ANKS1B: variants seen among roughly 807,000 people sequenced by gnomAD.
ANKS1B encodes the protein ankyrin repeat and sterile alpha motif domain containing 1B, also known as ankyrin repeat and sterile alpha motif domain-containing protein 1B.
Under a neutral mutation model 148.3 loss-of-function variants are expected in ANKS1B, and 36 were observed. That is an observed-to-expected ratio of 0.24 (90% confidence interval 0.19 to 0.32). The LOEUF (loss-of-function observed/expected upper bound fraction) is 0.32. Ranked by LOEUF, ANKS1B falls within the 10% of genes least tolerant of loss-of-function variation. The probability of loss-of-function intolerance (pLI) is 1.00; values close to 1 mark genes in which losing one functional copy is unlikely to be tolerated. For synonymous variants in ANKS1B, 542 were observed against 560.8 expected (o/e 0.97, Z 0.47); for missense variants, 1,157 against 1,542.6 (o/e 0.75, Z 4.19).
intron 25 of ANKS1B, among the ~76,000 whole-genome samples, chr12:98,761,718 C>T (rs2098409486): frequency 6.6e-6 from 1 of 152,134 alleles, no homozygotes; most frequent in Non-Finnish European, 1.5e-5. Context: ...GATATTTATT[C>T]CAGGACTTAC....
intron 1 of ANKS1B, among the ~76,000 whole-genome samples, chr12:99,932,132 T>C (rs2094633634): frequency 6.6e-6 from 1 of 152,180 alleles, no homozygotes; most frequent in South Asian, 2.1e-4. Flanking sequence ...AATACTACAT[T>C]GTGTATACGT....
At chr12:99,199,661 C>T (rs148162740) in intron 14 of ANKS1B, among the ~76,000 whole-genome samples, 94 of 152,234 alleles carry the variant, frequency 6.2e-4, no homozygotes, top group Middle Eastern at 3.4e-3. Flanking sequence ...CTGTAACTCT[C>T]CTCCTTATAA....
intron 12 of ANKS1B, among the ~76,000 whole-genome samples, chr12:99,272,206 T>C (rs1181755367): frequency 6.6e-6 from 1 of 152,170 alleles, no homozygotes; most frequent in Non-Finnish European, 1.5e-5. Flanking sequence ...ATAATGACCA[T>C]AAGTGATTGC....
chr12:99,730,986 G>A (rs2059086738), intron 8 of ANKS1B, among the ~76,000 whole-genome samples: 2 of 152,058 alleles, frequency 1.3e-5, no homozygotes, highest in Admixed American at 1.3e-4. Context: ...GCCTAGGCTG[G>A]AGTGCAATGT....
In ANKS1B at chr12:98,934,218, T is replaced by C. The variant is rs952815342; in HGVS notation, c.2779-102082A>G. ...CAGTTTCATTGCTTTGTATGTCACG[T>C]CCAGTCTTCTCAATATCATTAGTTG... is the stretch of plus-strand genomic sequence containing the variant. On this transcript the variant is annotated intron_variant, in intron 17 of 26. Coordinates refer to ENST00000683438, the MANE Select transcript of ANKS1B (RefSeq NM_001352186.2). Among the ~76,000 whole-genome samples, 7 of 152,150 alleles carry C rather than the reference T, an allele frequency of 4.6e-5. No homozygotes were observed. The East Asian group carries it at 9.6e-4, about 21-fold the overall frequency.
At chr12:99,179,719 T>C (rs1224758662) in intron 14 of ANKS1B, among the ~76,000 whole-genome samples, 2 of 152,116 alleles carry the variant, frequency 1.3e-5, no homozygotes, top group East Asian at 1.9e-4. Flanking sequence ...TCTATAAAAT[T>C]AGGAAAATCT....
exon 10 of ANKS1B, chr12:98,735,380 T>C (rs1230383369): frequency 9.3e-6 from 4 of 431,454 alleles, no homozygotes; most frequent in Admixed American, 7.9e-5. Context: ...TTTTAAAATA[T>C]GAATTTAAAA....
At chr12:99,353,200 A>T (rs1282747885) in intron 12 of ANKS1B, among the ~76,000 whole-genome samples, 2 of 152,062 alleles carry the variant, frequency 1.3e-5, no homozygotes, top group Non-Finnish European at 2.9e-5. Flanking sequence ...TACATGGGTG[A>T]AATGTGGCTT....
intron 19 of ANKS1B, among the ~76,000 whole-genome samples, chr12:98,828,762 A>G (rs1420834830): frequency 6.6e-6 from 1 of 152,262 alleles, no homozygotes; most frequent in East Asian, 1.9e-4. Context: ...ATGAATGTAT[A>G]GACTTGGGAG....
intron 17 of ANKS1B, among the ~76,000 whole-genome samples, chr12:98,886,360 A>C (rs986742430): frequency 4.6e-5 from 7 of 152,232 alleles, no homozygotes; most frequent in African/African-American, 1.7e-4. Flanking sequence ...CACAGAAGAA[A>C]GGACCCAGGT....
At chr12:99,521,860 A>C (rs918821547) in intron 9 of ANKS1B, among the ~76,000 whole-genome samples, 21 of 152,098 alleles carry the variant, frequency 1.4e-4, no homozygotes, top group African/African-American at 4.8e-4. Flanking sequence ...GTCTTGCCCC[A>C]CACACACTGT....
intron 9 of ANKS1B, among the ~76,000 whole-genome samples, chr12:99,560,840 C>CTTTTTTTTTTTTTTT (rs58588885): frequency 2.8e-5 from 2 of 71,922 alleles, no homozygotes; most frequent in Non-Finnish European, 5.4e-5. Flanking sequence ...TTTCTTTTTT[C>CTTTTTTTTTTTTTTT]TTTTTTTTTT....
chr12:99,754,517 T>C lies in ANKS1B; in HGVS notation c.1128+18405A>G, dbSNP rs149507508. Among the ~76,000 whole-genome samples the C allele has an allele frequency of 2.0e-5, 3 of 152,276 alleles. No homozygotes were observed. The East Asian group carries it at 5.8e-4, about 29-fold the overall frequency. On this transcript the variant is annotated intron_variant, in intron 8 of 26. Transcript: ENST00000683438. ...ATGGATCACATGAACCCAGCAGATA[T>C]TTACAGAACTCTCCCCCAGAATATA...
chr12:99,658,482 T>C (rs2098460657), intron 8 of ANKS1B, among the ~76,000 whole-genome samples: 1 of 152,114 alleles, frequency 6.6e-6, no homozygotes, highest in Admixed American at 6.6e-5. Flanking sequence ...CAAGCATGCA[T>C]GATATCATGT....
At chr12:99,774,192 G>A (rs1036794080) in intron 7 of ANKS1B, among the ~76,000 whole-genome samples, 1 of 152,032 alleles carries the variant, frequency 6.6e-6, no homozygotes, top group African/African-American at 2.4e-5. Flanking sequence ...ACACTAAAAA[G>A]ATAACTTAAG....
chr12:99,526,767 G>A (rs946177506), intron 9 of ANKS1B, among the ~76,000 whole-genome samples: 5 of 152,160 alleles, frequency 3.3e-5, no homozygotes, highest in African/African-American at 1.2e-4. Context: ...GTTACTTTGG[G>A]TATGATATGG....
At chr12:99,948,610 C>T (rs1272811750) in intron 1 of ANKS1B, among the ~76,000 whole-genome samples, 1 of 152,150 alleles carries the variant, frequency 6.6e-6, no homozygotes, top group Non-Finnish European at 1.5e-5. Context: ...AATTCAGAGG[C>T]TGGAGTAGCT....
chr12:98,887,499 A>C (rs987228554), intron 17 of ANKS1B, among the ~76,000 whole-genome samples: 1 of 152,118 alleles, frequency 6.6e-6, no homozygotes, highest in Non-Finnish European at 1.5e-5. Flanking sequence ...TTTTCATCGT[A>C]TTTTTTCTTA....
intron 9 of ANKS1B, among the ~76,000 whole-genome samples, chr12:99,632,542 A>C (rs556776075): frequency 6.6e-6 from 1 of 151,508 alleles, no homozygotes; most frequent in East Asian, 2.0e-4. Context: ...AGCCCAGGAA[A>C]GCCACAAAGG....
Sources: gnomAD v4.1 joint callset for allele counts (sites outside exome capture counted in the v4.1 genomes callset) on GRCh38, gnomAD v4.1.1 for gene constraint, MANE v1.5 for transcripts, NCBI Gene and HGNC (gene_info 2026-07-23, HGNC 2026-07-21) for gene names.